FAM171B: variants seen among roughly 807,000 people sequenced by gnomAD.
FAM171B encodes the protein protein FAM171B.
A neutral mutation model predicts 75.6 loss-of-function variants in FAM171B; 19 were observed. The ratio of observed to expected loss-of-function variants is 0.25; its 90% confidence interval spans 0.18 to 0.37. The LOEUF (loss-of-function observed/expected upper bound fraction) is 0.37. Among genes scored for constraint, FAM171B ranks in the 10% least tolerant of loss-of-function variants. The pLI, the probability that FAM171B is intolerant of heterozygous loss-of-function variation, is 1.00. For synonymous variants in FAM171B, 367 were observed against 361.7 expected, an observed-to-expected ratio of 1.01 and a Z score of -0.17; for missense variants, 848 against 982.4, an observed-to-expected ratio of 0.86 and a Z score of 1.83.
intron 1 of FAM171B, among the ~76,000 whole-genome samples, chr2:186,737,645 T>C (rs958781257): frequency 2.6e-5 from 4 of 152,202 alleles, no homozygotes; most frequent in African/African-American, 9.7e-5. Context: ...CTCAGCCTTG[T>C]TTTCTTATAT....
chr2:186,716,736 C>A (rs1240980944), intron 1 of FAM171B, among the ~76,000 whole-genome samples: 1 of 152,172 alleles, frequency 6.6e-6, no homozygotes, highest in Non-Finnish European at 1.5e-5. Flanking sequence ...TGTACATTTT[C>A]AACATTTCTA....
At chr2:186,738,915 G>A (rs991600659) in intron 1 of FAM171B, among the ~76,000 whole-genome samples, 2 of 152,070 alleles carry the variant, frequency 1.3e-5, no homozygotes, top group Non-Finnish European at 2.9e-5. Context: ...TGATTTTATT[G>A]TTTTGTGAAC....
At chr2:186,700,448 A>G (rs1222358310) in intron 1 of FAM171B, among the ~76,000 whole-genome samples, 3 of 152,092 alleles carry the variant, frequency 2.0e-5, no homozygotes, top group Non-Finnish European at 2.9e-5. Context: ...TGTTGATTTC[A>G]TTTTCATCAT....
chr2:186,708,086 G>T (rs562154356), intron 1 of FAM171B, among the ~76,000 whole-genome samples: 17 of 152,012 alleles, frequency 1.1e-4, no homozygotes, highest in Non-Finnish European at 2.1e-4. Flanking sequence ...GAAGGTCTCG[G>T]TATAGATAAT....
intron 6 of FAM171B, among the ~76,000 whole-genome samples, chr2:186,755,307 A>G (rs1690517364): frequency 6.6e-6 from 1 of 152,222 alleles, no homozygotes; most frequent in Non-Finnish European, 1.5e-5. Flanking sequence ...CAATTATGAT[A>G]GCTTATTTTC....
chr2:186,751,052 A>G, intron 4 of FAM171B, 82 bp from the exon 5 acceptor site: 1 of 1,013,702 alleles, frequency 9.9e-7, no homozygotes. Context: ...AAATAGAGGA[A>G]CTATTTATTT....
chr2:186,750,543 T>A (rs1690436924), intron 4 of FAM171B, among the ~76,000 whole-genome samples: 1 of 152,218 alleles, frequency 6.6e-6, no homozygotes, highest in Non-Finnish European at 1.5e-5. Flanking sequence ...ATTACAGTGA[T>A]TTTGTTTCAT....
At chr2:186,717,140 T>A (rs1689886583) in intron 1 of FAM171B, among the ~76,000 whole-genome samples, 1 of 152,122 alleles carries the variant, frequency 6.6e-6, no homozygotes, top group Admixed American at 6.5e-5. Context: ...TCCTTACTCA[T>A]GAAGTCAGAG....
chr2:186,699,997 C>T (rs981642628), intron 1 of FAM171B, among the ~76,000 whole-genome samples: 1 of 151,698 alleles, frequency 6.6e-6, no homozygotes, highest in African/African-American at 2.4e-5. Context: ...TGTTTTTATG[C>T]CAGTTACAAT....
At chr2:186,714,905 A>T (rs918699753) in intron 1 of FAM171B, among the ~76,000 whole-genome samples, 6 of 152,332 alleles carry the variant, frequency 3.9e-5, no homozygotes, top group African/African-American at 1.4e-4. Context: ...AGATTTGAAG[A>T]TTGCTCAGTT....
intron 1 of FAM171B, among the ~76,000 whole-genome samples, chr2:186,737,621 C>T (rs1048757739): frequency 2.0e-5 from 3 of 152,238 alleles, no homozygotes; most frequent in African/African-American, 7.2e-5. Context: ...GGATTACAGG[C>T]ATGAGCCATC....
At chr2:186,696,935 A>G (rs545200796) in intron 1 of FAM171B, among the ~76,000 whole-genome samples, 2 of 152,220 alleles carry the variant, frequency 1.3e-5, no homozygotes, top group Admixed American at 1.3e-4. Context: ...GTTCACTGCT[A>G]TATTTCTAGT....
chr2:186,698,584 T>C (rs1264683929), intron 1 of FAM171B, among the ~76,000 whole-genome samples: 1 of 152,198 alleles, frequency 6.6e-6, no homozygotes, highest in Non-Finnish European at 1.5e-5. Context: ...GATACAGGCA[T>C]AAAATGTATA....
chr2:186,726,813 ATCT>A (rs1690040339), intron 1 of FAM171B, among the ~76,000 whole-genome samples: 1 of 152,186 alleles, frequency 6.6e-6, no homozygotes, highest in Admixed American at 6.6e-5. Context: ...AGGAAGAGGA[ATCT>A]TATTATTTAC....
chr2:186,735,601 G>A (rs1690187876), intron 1 of FAM171B, among the ~76,000 whole-genome samples: 1 of 152,126 alleles, frequency 6.6e-6, no homozygotes, highest in Non-Finnish European at 1.5e-5. Flanking sequence ...TAAACTAAAT[G>A]TCTCTCAATG....
At chr2:186,715,267 A>G (rs947620641) in intron 1 of FAM171B, among the ~76,000 whole-genome samples, 9 of 152,126 alleles carry the variant, frequency 5.9e-5, no homozygotes, top group African/African-American at 2.2e-4. Flanking sequence ...AAGTGGCACA[A>G]TCACAGCTCA....
At chr2:186,756,080 A>G (rs922598577) in intron 6 of FAM171B, among the ~76,000 whole-genome samples, 2 of 145,512 alleles carry the variant, frequency 1.4e-5, no homozygotes, top group African/African-American at 5.0e-5. Flanking sequence ...CTAAAAATAT[A>G]TCTAAAATAA....
intron 1 of FAM171B, among the ~76,000 whole-genome samples, chr2:186,698,269 C>CT (rs1689609420): frequency 6.6e-6 from 1 of 152,104 alleles, no homozygotes; most frequent in Non-Finnish European, 1.5e-5. Context: ...ATAGAAATGT[C>CT]TTTTCAGTAC....
In FAM171B at chr2:186,761,767, T is replaced by C; in HGVS notation, c.1425T>C (p.Asn475=). The C allele has an allele frequency of 1.2e-6, 2 of 1,613,280 alleles. No individual in the cohort carries two copies. The highest frequency in any genetic ancestry group is 8.5e-7 in the Non-Finnish European group (1 of 1,179,702). ...TTTCATTTCTATCAGTCAATCAAAA[T>C]AATTACTCAAGAAACCCAACACAGT... is the stretch of plus-strand genomic sequence containing the variant. ...EDVSFLSVNQ[N]NYSRNPTQSL... Residue 475 remains asparagine (N), a synonymous_variant, in exon 8 of 8, where the codon AAT becomes AAC. Transcript: ENST00000304698.
Sources: allele counts gnomAD v4.1 joint callset (sites outside exome capture counted in the v4.1 genomes callset), GRCh38; gene constraint gnomAD v4.1.1; transcripts MANE v1.5; gene names NCBI Gene and HGNC (gene_info 2026-07-23, HGNC 2026-07-21).